The following ITGA2B variants were observed in gnomAD, a reference collection of about 807,000 sequenced individuals.
The protein encoded by ITGA2B is integrin alpha-IIb.
ITGA2B carries 91 observed loss-of-function variants against 142.0 expected under a neutral mutation model. The observed-to-expected ratio is 0.64, with a 90% confidence interval of 0.54 to 0.76. The LOEUF (loss-of-function observed/expected upper bound fraction) is 0.76, where lower values mean the gene tolerates loss of function less well. Ranked by LOEUF, ITGA2B falls within the 30% of genes least tolerant of loss-of-function variation. The probability of loss-of-function intolerance (pLI) is 0.00; values close to 1 mark genes in which losing one functional copy is unlikely to be tolerated. For missense variants in ITGA2B, 1,231 were observed against 1,350.8 expected, an observed-to-expected ratio of 0.91 and a Z score of 1.39; for synonymous variants, 536 against 567.2, an observed-to-expected ratio of 0.94 and a Z score of 0.78.
rs757505819 is a variant in ITGA2B at position 44,380,617 on chromosome 17, G to C, written c.1422C>G (p.Asn474Lys). ...PDLIVGAYGA[N>K]QVAVYRAQPV... ...GTGCTCACCTGTACACAGCCACCTG[G>C]TTGGCCCCGTAAGCTCCCACGATCA... The change falls in exon 14 of 30, where the codon AAC becomes AAG. Residue 474 changes from asparagine to lysine, a missense_variant. Around this residue, in one of 3 missense-constraint regions of ITGA2B, gnomAD observed 908 missense variants for 1,021.1 expected, o/e 0.89. Transcript: ENST00000262407. 1 of 1,614,184 alleles carries C rather than the reference G, an allele frequency of 6.2e-7. No homozygotes were observed. The highest frequency in any genetic ancestry group is 8.5e-7 in the Non-Finnish European group (1 of 1,180,028).
At chr17:44,382,785 C>A (rs1184166021) in intron 12 of ITGA2B, among the ~76,000 whole-genome samples, 1 of 152,176 alleles carries the variant, frequency 6.6e-6, no homozygotes, top group Non-Finnish European at 1.5e-5. Context: ...TGCTCTTTAA[C>A]GCATGCTCTT....
Position 44,387,589 on chromosome 17 carries a change from G to A in ITGA2B, c.189-1458C>T, listed in dbSNP as rs371117429. Among the ~76,000 whole-genome samples, 32 of 151,600 alleles carry A rather than the reference G, an allele frequency of 2.1e-4. No homozygotes were observed. In the East Asian group the frequency reaches 2.5e-3, roughly 12 times the overall value. ...GCCTGTAATCCCAGCACTTTGGGAG[G>A]CCAAGGCGGGTGGATCACCTGAAGT... On this transcript the variant is annotated intron_variant, in intron 1 of 29. Coordinates refer to ENST00000262407, the MANE Select transcript of ITGA2B (RefSeq NM_000419.5).
At position 44,381,245 on chromosome 17, in the gene ITGA2B, G is replaced by A. The variant is rs114414199; in HGVS notation, c.1211-184C>T. ...ATCAGGTGGGAGAGGGACCTGCCAA[G>A]TAGGATTGTTATAAAAACAGTGACA... is the stretch of plus-strand genomic sequence containing the variant. On this transcript the variant is annotated intron_variant, in intron 12 of 29. Coordinates refer to ENST00000262407, the MANE Select transcript of ITGA2B (RefSeq NM_000419.5). Among the ~76,000 whole-genome samples, 524 of 152,336 alleles carry A rather than the reference G, an allele frequency of 3.4e-3. 5 individuals carry two copies. Among genetic ancestry groups the A allele is most frequent in the African/African-American group, 0.012 (513 of 41,578 alleles).
At chr17:44,373,937 G>C in intron 29 of ITGA2B, 1 of 206,614 alleles carries the variant, frequency 4.8e-6, no homozygotes, top group South Asian at 8.2e-5. Flanking sequence ...ATGGAGGCTC[G>C]CTCTGTTGCC....
At chr17:44,379,176 G>C (rs935966852) in intron 18 of ITGA2B, among the ~76,000 whole-genome samples, 1 of 146,702 alleles carries the variant, frequency 6.8e-6, no homozygotes, top group African/African-American at 2.5e-5. Context: ...GGATGGTCTT[G>C]ATCTCCTGAC....
chr17:44,386,190 C>T, intron 1 of ITGA2B, 59 bp from the exon 2 acceptor site: 1 of 1,541,992 alleles, frequency 6.5e-7, no homozygotes, highest in Non-Finnish European at 8.7e-7. Context: ...GGCCCTGGCG[C>T]CGGCGCTGGG....
rs1157842606 is a variant in ITGA2B, at chr17:44,378,726, G to T, written c.1879-16C>A. 2 of 1,552,708 alleles carry T rather than the reference G, an allele frequency of 1.3e-6. No individual in the cohort carries two copies. Among genetic ancestry groups the T allele is most frequent in the East Asian group, 2.4e-5 (1 of 41,150 alleles). On this transcript the variant is annotated splice_polypyrimidine_tract_variant and intron_variant, in intron 18 of 29. Coordinates refer to ENST00000262407, the MANE Select transcript of ITGA2B (RefSeq NM_000419.5). ...CGATTCGTGTCTAGAGGGGCACATTGGGGTGTGCGGGTAAGTTGGGGATGT... is the reference window on the plus strand; with the variant it reads ...CGATTCGTGTCTAGAGGGGCACATTTGGGTGTGCGGGTAAGTTGGGGATGT...
intron 12 of ITGA2B, among the ~76,000 whole-genome samples, chr17:44,382,268 C>A (rs1471098064): frequency 1.3e-5 from 2 of 152,012 alleles, no homozygotes; most frequent in African/African-American, 4.8e-5. Flanking sequence ...TCTGTGATCA[C>A]CTTTTCTCTT....
intron 26 of ITGA2B, 90 bp downstream of exon 26, chr17:44,375,501 A>T: frequency 6.6e-7 from 1 of 1,521,604 alleles, no homozygotes; most frequent in Non-Finnish European, 8.9e-7. Context: ...ACAGAGGCCC[A>T]CAGCACACCC....
chr17:44,389,582 T>C lies in ITGA2B; in HGVS notation c.-109A>G. ...TATCAAACTGGAACCCCAAGTAACT[T>C]GCTGAGCAACGGGCAGAGCAAAGGG... On this transcript the variant is annotated 5_prime_UTR_variant, in exon 1 of 30. Coordinates refer to ENST00000262407, the MANE Select transcript of ITGA2B (RefSeq NM_000419.5). 1 of 1,269,786 alleles carries C rather than the reference T, an allele frequency of 7.9e-7. No individual in the cohort carries two copies. Among genetic ancestry groups the C allele is most frequent in the Non-Finnish European group, 1.1e-6 (1 of 901,814 alleles). The allele number at this position is 1,269,786 out of a possible 1,614,324, so 78.7% of individuals were successfully genotyped here. A position where few individuals can be genotyped will look rare whatever the true frequency, so the allele number is the denominator to read the frequency against.
At chr17:44,385,412 A>AG in intron 4 of ITGA2B, 77 bp from the exon 5 acceptor site, 1 of 1,488,036 alleles carries the variant, frequency 6.7e-7, no homozygotes, top group Non-Finnish European at 8.9e-7. Flanking sequence ...GCTGGGGGAC[A>AG]GGGGCGGGGC....
At position 44,380,245 on chromosome 17, in the gene ITGA2B, C is replaced by T. The variant is rs1389409325; in HGVS notation, c.1600+1G>A. 1.2e-6 allele frequency: 2 copies of T among 1,614,096 alleles called. No homozygotes were observed. The highest frequency in any genetic ancestry group is 1.7e-6 in the Non-Finnish European group (2 of 1,180,038). On this transcript the variant is annotated splice_donor_variant, in intron 16 of 29. Transcript: ENST00000262407. LOFTEE classifies it high-confidence loss of function. ...CCTCCTGCCCCCTTCATGCCACTCA[C>T]ATAGCTTCTGAGGAATGTTGTGCCC...
At chr17:44,384,036 T>C (rs374905138) in intron 10 of ITGA2B, 49 bp downstream of exon 10, 93 of 1,613,556 alleles carry the variant, frequency 5.8e-5, no homozygotes, top group Non-Finnish European at 7.5e-5. Context: ...TATTCTGAAG[T>C]CTCAGTTCCC....
chr17:44,378,760 T>G, intron 18 of ITGA2B, 50 bp from the exon 19 acceptor site: 1 of 1,514,188 alleles, frequency 6.6e-7, no homozygotes, highest in Non-Finnish European at 9.0e-7. Context: ...GTGTGAGGTT[T>G]AGGGATTACA....
At chr17:44,375,211 TTCAGGAAGCGGTGGCCTTCCCA>T (rs1598376235) in intron 26 of ITGA2B, 100 bp from the exon 27 acceptor site, 12 of 996,434 alleles carry the variant, frequency 1.2e-5, no homozygotes, top group East Asian at 5.2e-5. Flanking sequence ...GGGCCGGGGG[TTCAGGAAGCGGTGGCCTTCCCA>T]TCAGGAAGGG....
In ITGA2B at chr17:44,380,442, T is replaced by C; in HGVS notation, c.1488A>G (p.Ser496=). ...CACAGCTCTTCACAGCAGGATTCAGTGAATCTTGCACCAGTAGCTGGACAG... is the reference window on the plus strand; with the variant it reads ...CACAGCTCTTCACAGCAGGATTCAGCGAATCTTGCACCAGTAGCTGGACAG... ...KASVQLLVQD[S]LNPAVKSCVL... Residue 496 remains serine, a synonymous_variant, in exon 15 of 30, where the codon TCA becomes TCG. Transcript: ENST00000262407. 1 of 1,614,140 alleles carries C rather than the reference T, an allele frequency of 6.2e-7. No individual in the cohort carries two copies. Among genetic ancestry groups the C allele is most frequent in the South Asian group, 1.1e-5 (1 of 91,074 alleles).
At chr17:44,379,288 T>C (rs2048573212) in intron 18 of ITGA2B, among the ~76,000 whole-genome samples, 1 of 147,288 alleles carries the variant, frequency 6.8e-6, no homozygotes, top group Non-Finnish European at 1.5e-5. Flanking sequence ...TCTTGCTCTG[T>C]CACCCAGGCT....
chr17:44,372,235 G>T lies in ITGA2B; in HGVS notation c.*129C>A. ...GGAGGGGGGGTAGCCCAGCTCTGTTGGGAGGGAAACGACACCAAGAGGACC... is the reference window on the plus strand; with the variant it reads ...GGAGGGGGGGTAGCCCAGCTCTGTTTGGAGGGAAACGACACCAAGAGGACC... On this transcript the variant is annotated 3_prime_UTR_variant, in exon 30 of 30. Transcript: ENST00000262407. 3.4e-6 allele frequency: 3 copies of T among 888,162 alleles called. No homozygotes were observed. Among genetic ancestry groups the T allele is most frequent in the Non-Finnish European group, 3.7e-6 (2 of 543,572 alleles). The allele number at this position is 888,162 out of a possible 1,614,324, so 55.0% of individuals were successfully genotyped here.
chr17:44,379,893 G>C (rs983404384), intron 17 of ITGA2B, 79 bp from the exon 18 acceptor site: 1 of 1,612,214 alleles, frequency 6.2e-7, no homozygotes. Context: ...ACCGTGTCCT[G>C]ACCACCCCCG....
Sources: allele counts gnomAD v4.1 joint callset (sites outside exome capture counted in the v4.1 genomes callset), GRCh38; gene constraint gnomAD v4.1.1; regional missense constraint gnomAD v4.1.1; transcripts MANE v1.5; gene names NCBI Gene and HGNC (gene_info 2026-07-23, HGNC 2026-07-21).